Variants in FLT3 observed in about 807,000 individuals in gnomAD.
The protein encoded by FLT3 is fms related receptor tyrosine kinase 3, also known as receptor-type tyrosine-protein kinase FLT3.
In FLT3, 46 loss-of-function variants were observed where a neutral mutation model predicts 126.6. That is an observed-to-expected ratio of 0.36 (90% CI 0.29 to 0.46). FLT3 has a LOEUF of 0.46. FLT3 is among the 20% of genes least tolerant of loss of function. FLT3 has a pLI of 1.00. For missense variants in FLT3, 1,069 were observed against 1,190.3 expected, an observed-to-expected ratio of 0.90 and a Z score of 1.50; for synonymous variants, 404 against 434.4, an observed-to-expected ratio of 0.93 and a Z score of 0.87.
chr13:28,026,439 C>G (rs1226909507), intron 17 of FLT3, among the ~76,000 whole-genome samples: 1 of 151,096 alleles, frequency 6.6e-6, no homozygotes, highest in Admixed American at 6.6e-5. Context: ...GAGAAAGGTG[C>G]TACAAAGCCA....
chr13:28,029,379 A>G (rs1873112983), intron 15 of FLT3, among the ~76,000 whole-genome samples: 2 of 151,102 alleles, frequency 1.3e-5, no homozygotes, highest in Admixed American at 6.6e-5. Flanking sequence ...TGGGTGACAG[A>G]GCGAGACTCT....
chr13:28,028,342 A>G (rs1330291851), intron 15 of FLT3, 54 bp from the exon 16 acceptor site: 5 of 904,032 alleles, frequency 5.5e-6, no homozygotes, highest in Non-Finnish European at 9.1e-6. Context: ...TACGAATTTT[A>G]TGTCATTAAA....
At position 28,015,177 on chromosome 13, in the gene FLT3, T is replaced by C. The variant is rs760751139; in HGVS notation, c.2733A>G (p.Pro911=). Residue 911 remains proline, a synonymous_variant, in exon 22 of 24, where the codon CCA becomes CCG. Transcript: ENST00000241453. ...CTTACATTTCTTCTGTAGCATAAAA[T>C]GGCTGATCCATTTTAAATCCATTTT... ...LIQNGFKMDQ[P]FYATEEIYII... 5 of 1,603,384 alleles carry C rather than the reference T, an allele frequency of 3.1e-6. No homozygotes were observed. Among genetic ancestry groups the C allele is most frequent in the Non-Finnish European group, 4.3e-6 (5 of 1,170,526 alleles).
chr13:28,024,884 T>C lies in FLT3; in HGVS notation c.2267A>G (p.His756Arg). The change falls in exon 18 of 24, where the codon CAT becomes CGT. Residue 756 changes from histidine to arginine, a missense_variant. Transcript: ENST00000241453. ...HPDSDQISGLHGNSFHSEDEI... is the reference protein window; with the variant it reads ...HPDSDQISGLRGNSFHSEDEI... ...ACCTTCAGAGTGAAATGAATTCCCATGAAGCCCTGAGATTTGATCCGAGTC... is the reference window on the plus strand; with the variant it reads ...ACCTTCAGAGTGAAATGAATTCCCACGAAGCCCTGAGATTTGATCCGAGTC... The C allele has an allele frequency of 6.2e-7, 1 of 1,609,928 alleles. No homozygotes were observed. The highest frequency in any genetic ancestry group is 8.5e-7 in the Non-Finnish European group (1 of 1,177,344).
chr13:28,061,678 G>T lies in FLT3; in HGVS notation c.368+189C>A, dbSNP rs7333811. Among the ~76,000 whole-genome samples, 4,217 of 152,000 alleles carry T rather than the reference G, an allele frequency of 0.028. 184 individuals are homozygous for T. Among genetic ancestry groups the T allele is most frequent in the African/African-American group, 0.096 (3,964 of 41,430 alleles). ...CCAGCTACTTGGGAGGACTGGGGTG[G>T]GGGGATTACTTGAGCTTGGAAGGTC... On this transcript the variant is annotated intron_variant, in intron 3 of 23. Transcript: ENST00000241453.
At chr13:28,066,425 G>T (rs1019656056) in intron 2 of FLT3, among the ~76,000 whole-genome samples, 7 of 152,098 alleles carry the variant, frequency 4.6e-5, no homozygotes, top group African/African-American at 1.4e-4. Flanking sequence ...GAATTCCAGG[G>T]GTAAGGCAAG....
At chr13:28,093,416 TC>T (rs1387632423) in intron 1 of FLT3, among the ~76,000 whole-genome samples, 1 of 152,146 alleles carries the variant, frequency 6.6e-6, no homozygotes, top group African/African-American at 2.4e-5. Context: ...CACCAAAGTA[TC>T]CCTTACACAT....
At chr13:28,008,550 G>T (rs748637496) in intron 23 of FLT3, among the ~76,000 whole-genome samples, 1 of 152,032 alleles carries the variant, frequency 6.6e-6, no homozygotes, top group Non-Finnish European at 1.5e-5. Flanking sequence ...TGCAGTCTAG[G>T]CTCACTGCAA....
At chr13:28,033,297 A>AAAAAAAC (rs112218934) in intron 15 of FLT3, among the ~76,000 whole-genome samples, 3 of 151,700 alleles carry the variant, frequency 2.0e-5, no homozygotes, top group Non-Finnish European at 4.4e-5. Context: ...TCCTGTCTCT[A>AAAAAAAC]AAAATAAAAC....
intron 23 of FLT3, among the ~76,000 whole-genome samples, chr13:28,011,534 C>T (rs1006876049): frequency 1.6e-4 from 25 of 152,018 alleles, no homozygotes; most frequent in East Asian, 3.9e-4. Flanking sequence ...CCCAGCAGAG[C>T]GGGCAAGATG....
chr13:28,026,880 T>C (rs1486371576), intron 17 of FLT3, among the ~76,000 whole-genome samples: 1 of 152,180 alleles, frequency 6.6e-6, no homozygotes, highest in East Asian at 1.9e-4. Flanking sequence ...AGAGACTAGC[T>C]CAGCTATAGT....
chr13:28,019,735 C>T (rs532885825), intron 19 of FLT3, among the ~76,000 whole-genome samples: 37 of 152,300 alleles, frequency 2.4e-4, no homozygotes, highest in Non-Finnish European at 2.1e-4. Context: ...CTCGATCTGA[C>T]GGGACCTCCC....
rs2137672235 is a variant in FLT3, at chr13:28,033,888, T to C, written c.1941A>G (p.Lys647=). The C allele has an allele frequency of 1.9e-6, 3 of 1,612,292 alleles. No individual in the cohort carries two copies. The highest frequency in any genetic ancestry group is 2.5e-6 in the Non-Finnish European group (3 of 1,178,336). The part of the protein sequence containing the change: ...VSIQVAVKML[K]EKADSSEREA... ...TGCTGTCCTTCCACTATACTGTACC[T>C]TTCAGCATTTTGACGGCAACCTGGA... Residue 647 remains lysine (K), a splice_region_variant and synonymous_variant, in exon 15 of 24, where the codon AAA becomes AAG. Transcript: ENST00000241453.
chr13:28,064,989 T>C (rs1203708441), intron 2 of FLT3, among the ~76,000 whole-genome samples: 3 of 152,148 alleles, frequency 2.0e-5, no homozygotes, highest in South Asian at 4.1e-4. Context: ...GGGGGTACTA[T>C]GTAGCTATAA....
chr13:28,049,490 T>A lies in FLT3; in HGVS notation c.930A>T (p.Ile310=), dbSNP rs2137727958. 6.2e-7 allele frequency: 1 copy of A among 1,613,546 alleles called. No homozygotes were observed. The highest frequency in any genetic ancestry group is 8.5e-7 in the Non-Finnish European group (1 of 1,179,480). The change falls in exon 8 of 24, where the codon ATA becomes ATT. Residue 310 remains isoleucine, a synonymous_variant. Coordinates refer to ENST00000241453, the MANE Select transcript of FLT3 (RefSeq NM_004119.3). ...MSTYSTNRTM[I]RILFAFVSSV... is the part of the protein sequence containing the mutation. ...ATGATACAAAAGCAAACAGAATCCG[T>A]ATCATAGTTCTGTTTGTTGAATAGG...
chr13:28,051,168 A>G (rs1362530210), intron 5 of FLT3, among the ~76,000 whole-genome samples: 1 of 152,242 alleles, frequency 6.6e-6, no homozygotes, highest in Non-Finnish European at 1.5e-5. Flanking sequence ...CAATCATATT[A>G]GACTGCTTTC....
chr13:28,077,594 A>T (rs902617746), intron 1 of FLT3, among the ~76,000 whole-genome samples: 1 of 152,086 alleles, frequency 6.6e-6, no homozygotes, highest in Admixed American at 6.6e-5. Context: ...TCAAGTTGAG[A>T]TTTGGGTGGT....
In FLT3 at chr13:28,055,467, G is replaced by A. The variant is rs534664852; in HGVS notation, c.484+1880C>T. 2.2e-4 allele frequency among the ~76,000 whole-genome samples: 33 copies of A among 152,216 alleles called. No individual in the cohort carries two copies. In the South Asian group the frequency reaches 2.9e-3, roughly 13 times the overall value. ...TTCTATTAATTTCCTTAATTTAGAC[G>A]TTATATTTTCATGAACACTGCCAAG... On this transcript the variant is annotated intron_variant, in intron 4 of 23. Transcript: ENST00000241453.
At chr13:28,026,813 A>C (rs1409513079) in intron 17 of FLT3, among the ~76,000 whole-genome samples, 1 of 152,168 alleles carries the variant, frequency 6.6e-6, no homozygotes, top group Admixed American at 6.5e-5. Context: ...AGACCGAATA[A>C]TGCACCTTTC....
Sources: allele counts gnomAD v4.1 joint callset (sites outside exome capture counted in the v4.1 genomes callset), GRCh38; gene constraint gnomAD v4.1.1; transcripts MANE v1.5; gene names NCBI Gene and HGNC (gene_info 2026-07-23, HGNC 2026-07-21).